Variants in ANKH observed in about 807,000 individuals in gnomAD.
The protein encoded by ANKH is mineralization regulator ANKH.
Under a neutral mutation model 49.0 loss-of-function variants are expected in ANKH, and 15 were observed. The observed-to-expected ratio is 0.31, with a 90% CI of 0.20 to 0.47. ANKH has a LOEUF of 0.47. Ranked by LOEUF, ANKH falls within the 20% of genes least tolerant of loss-of-function variation. The pLI is 1.00. For missense variants in ANKH, 429 were observed against 652.0 expected (o/e 0.66, Z 3.72); for synonymous variants, 273 against 260.0 (o/e 1.05, Z -0.48).
At chr5:14,771,858 G>A (rs1191141616) in intron 1 of ANKH, among the ~76,000 whole-genome samples, 1 of 145,240 alleles carries the variant, frequency 6.9e-6, no homozygotes, top group Non-Finnish European at 1.5e-5. Context: ...AGGTTGCGAT[G>A]AGCTGAGATC....
chr5:14,751,231 A>G lies in ANKH; in HGVS notation c.525T>C (p.Phe175=), dbSNP rs1731710717. The change falls in exon 5 of 12, where the codon TTT becomes TTC. Residue 175 remains phenylalanine (F), a synonymous_variant. Transcript: ENST00000284268. The part of the protein sequence containing the change: ...SISDVIAQVV[F]VAILLHSHLE... ...GGTGACTGTGAAGCAAAATGGCTAC[A>G]AAAACAACCTGAGAGAAGGGAGAAC... The G allele has an allele frequency of 6.2e-7, 1 of 1,614,048 alleles. No homozygotes were observed. Among genetic ancestry groups the G allele is most frequent in the Non-Finnish European group, 8.5e-7 (1 of 1,180,034 alleles).
chr5:14,818,277 G>A (rs762740048), intron 1 of ANKH, among the ~76,000 whole-genome samples: 1 of 151,950 alleles, frequency 6.6e-6, no homozygotes, highest in East Asian at 1.9e-4. Flanking sequence ...TCAGTAGGAG[G>A]AGAAAGTCCT....
chr5:14,828,071 T>C (rs1741394918), intron 1 of ANKH, among the ~76,000 whole-genome samples: 2 of 152,156 alleles, frequency 1.3e-5, no homozygotes, highest in African/African-American at 4.8e-5. Context: ...GCTACAACAC[T>C]CTTATGTTAA....
intron 1 of ANKH, among the ~76,000 whole-genome samples, chr5:14,786,912 C>A (rs1739995672): frequency 6.6e-6 from 1 of 152,190 alleles, no homozygotes; most frequent in Admixed American, 6.5e-5. Context: ...TGATAATAAT[C>A]CATGTGTCCA....
intron 1 of ANKH, among the ~76,000 whole-genome samples, chr5:14,838,707 G>C (rs1415740975): frequency 6.6e-6 from 1 of 152,154 alleles, no homozygotes; most frequent in Non-Finnish European, 1.5e-5. Context: ...TATTTTGTTT[G>C]GCAGACGACT....
chr5:14,799,422 T>C (rs1261018536), intron 1 of ANKH, among the ~76,000 whole-genome samples: 1 of 152,224 alleles, frequency 6.6e-6, no homozygotes, highest in Non-Finnish European at 1.5e-5. Context: ...AGTCTTTTAT[T>C]GGAAGAAGGT....
intron 1 of ANKH, among the ~76,000 whole-genome samples, chr5:14,773,059 A>G (rs1199109125): frequency 6.6e-6 from 1 of 152,154 alleles, no homozygotes; most frequent in Admixed American, 6.5e-5. Flanking sequence ...TCCTCTATGC[A>G]CTTTTCCCCA....
At chr5:14,845,358 ATATATATATTTTTTT>A (rs201229433) in intron 1 of ANKH, among the ~76,000 whole-genome samples, 34 of 27,394 alleles carry the variant, frequency 1.2e-3, no homozygotes, top group Middle Eastern at 0.011. Context: ...GTATATATAT[ATATATATATTTTTTT>A]TTTTACCTTT....
chr5:14,762,311 C>T (rs1010883353), intron 2 of ANKH, among the ~76,000 whole-genome samples: 4 of 152,276 alleles, frequency 2.6e-5, no homozygotes, highest in African/African-American at 7.2e-5. Flanking sequence ...ACTGCTGGGG[C>T]GTTCGCCATC....
chr5:14,798,119 A>G, intron 1 of ANKH: 1 of 1,553,420 alleles, frequency 6.4e-7, no homozygotes, highest in Non-Finnish European at 8.9e-7. Context: ...AGTGTGATGC[A>G]TCAAACTGAG....
At chr5:14,832,847 T>C (rs1223538918) in intron 1 of ANKH, among the ~76,000 whole-genome samples, 4 of 152,198 alleles carry the variant, frequency 2.6e-5, no homozygotes, top group South Asian at 4.1e-4. Context: ...GGAAAGAATA[T>C]GGCTATCGAG....
intron 1 of ANKH, among the ~76,000 whole-genome samples, chr5:14,842,396 A>G (rs1192619019): frequency 6.6e-6 from 1 of 152,206 alleles, no homozygotes. Context: ...GAATACCCCA[A>G]TGAGACTGGC....
intron 4 of ANKH, among the ~76,000 whole-genome samples, chr5:14,752,074 G>A (rs2126484760): frequency 6.6e-6 from 1 of 152,318 alleles, no homozygotes; most frequent in South Asian, 2.1e-4. Context: ...TTGGGAGGCT[G>A]AGGCTGGAGG....
chr5:14,796,308 T>TA (rs201256548), intron 1 of ANKH, among the ~76,000 whole-genome samples: 1,731 of 149,212 alleles, frequency 0.012, 38 homozygotes, highest in African/African-American at 0.04. Context: ...GACAAACTCC[T>TA]AAAAAAAAAG....
chr5:14,832,766 C>T (rs1044628900), intron 1 of ANKH, among the ~76,000 whole-genome samples: 3 of 151,962 alleles, frequency 2.0e-5, no homozygotes, highest in Admixed American at 6.6e-5. Context: ...ACATTTGAAG[C>T]AAGGAAAGCA....
intron 1 of ANKH, among the ~76,000 whole-genome samples, chr5:14,845,480 T>C (rs1050778289): frequency 6.6e-6 from 1 of 152,196 alleles, no homozygotes; most frequent in Admixed American, 6.5e-5. Context: ...TCTTGGGATC[T>C]TCTTATAAGA....
chr5:14,793,059 A>T (rs1263413233), intron 1 of ANKH, among the ~76,000 whole-genome samples: 18 of 26,842 alleles, frequency 6.7e-4, no homozygotes, highest in African/African-American at 1.8e-3. Flanking sequence ...AATATATATA[A>T]AATATATATA....
At chr5:14,822,495 A>G (rs930840086) in intron 1 of ANKH, among the ~76,000 whole-genome samples, 16 of 152,206 alleles carry the variant, frequency 1.1e-4, no homozygotes, top group Admixed American at 2.0e-4. Flanking sequence ...GAATCACATA[A>G]TGACCCTACA....
intron 1 of ANKH, among the ~76,000 whole-genome samples, chr5:14,854,632 C>A (rs1354980867): frequency 6.6e-6 from 1 of 152,174 alleles, no homozygotes; most frequent in East Asian, 1.9e-4. Flanking sequence ...CAGGAGTGAG[C>A]CATGATGGTG....
Sources: allele counts gnomAD v4.1 joint callset (sites outside exome capture counted in the v4.1 genomes callset), GRCh38; gene constraint gnomAD v4.1.1; transcripts MANE v1.5; gene names NCBI Gene and HGNC (gene_info 2026-07-23, HGNC 2026-07-21).